The following TENM2 variants were observed in gnomAD, a reference collection of about 807,000 sequenced individuals.
The protein encoded by TENM2 is teneurin transmembrane protein 2.
A neutral mutation model predicts 245.2 loss-of-function variants in TENM2; 52 were observed. The ratio of observed to expected loss-of-function variants is 0.21; its 90% CI spans 0.17 to 0.27. The LOEUF (loss-of-function observed/expected upper bound fraction) is 0.27, where lower values mean the gene tolerates loss of function less well. Ranked by LOEUF, TENM2 falls within the 10% of genes least tolerant of loss-of-function variation. The pLI is 1.00. For synonymous variants in TENM2, 1,363 were observed against 1,438.9 expected, an observed-to-expected ratio of 0.95 and a Z score of 1.19; for missense variants, 3,046 against 3,666.8, an observed-to-expected ratio of 0.83 and a Z score of 4.37.
intron 2 of TENM2, among the ~76,000 whole-genome samples, chr5:167,409,357 A>G (rs190154782): frequency 2.0e-5 from 3 of 152,168 alleles, no homozygotes; most frequent in Admixed American, 2.0e-4. Context: ...AGCAGGATGG[A>G]TAAACTTTAA....
intron 2 of TENM2, among the ~76,000 whole-genome samples, chr5:167,595,032 C>T (rs1776109516): frequency 1.3e-5 from 2 of 152,190 alleles, no homozygotes; most frequent in Admixed American, 1.3e-4. Context: ...CAGGACTGAT[C>T]AGTGCAAAAT....
intron 1 of TENM2, among the ~76,000 whole-genome samples, chr5:167,349,062 A>G (rs1435274404): frequency 6.6e-6 from 1 of 152,212 alleles, no homozygotes; most frequent in Non-Finnish European, 1.5e-5. Context: ...CTTCAAGTGT[A>G]CAATTGAATT....
chr5:167,683,453 G>A (rs760240847), intron 2 of TENM2, among the ~76,000 whole-genome samples: 35 of 152,212 alleles, frequency 2.3e-4, no homozygotes, highest in Non-Finnish European at 4.3e-4. Flanking sequence ...TGTCCACTGC[G>A]CTTATCGTTA....
At chr5:167,385,500 TA>T (rs1300002788) in intron 2 of TENM2, among the ~76,000 whole-genome samples, 2 of 148,630 alleles carry the variant, frequency 1.3e-5, no homozygotes, top group Non-Finnish European at 3.0e-5. Flanking sequence ...TTTTTAGGTT[TA>T]ATTTTTTTTT....
intron 2 of TENM2, among the ~76,000 whole-genome samples, chr5:167,438,849 A>T (rs1357923048): frequency 6.6e-6 from 1 of 151,740 alleles, no homozygotes; most frequent in Non-Finnish European, 1.5e-5. Flanking sequence ...ACTGGAGTGC[A>T]ATGGCACGAT....
intron 23 of TENM2, among the ~76,000 whole-genome samples, chr5:168,223,233 A>G (rs1763824761): frequency 6.6e-6 from 1 of 152,162 alleles, no homozygotes. Context: ...TACTTCTCTC[A>G]TAAGGAAACT....
chr5:167,605,775 T>C (rs993736283), intron 2 of TENM2, among the ~76,000 whole-genome samples: 1 of 152,186 alleles, frequency 6.6e-6, no homozygotes, highest in African/African-American at 2.4e-5. Flanking sequence ...CTGTTTCTCA[T>C]AGATTATAGG....
chr5:167,889,369 A>G (rs962652753), intron 3 of TENM2, among the ~76,000 whole-genome samples: 1 of 152,184 alleles, frequency 6.6e-6, no homozygotes, highest in African/African-American at 2.4e-5. Flanking sequence ...GAATAATTCC[A>G]CGATGCAATT....
At chr5:167,159,104 G>A in the TENM2 span, among the ~76,000 whole-genome samples, 1 of 151,382 alleles carries the variant, frequency 6.6e-6, no homozygotes, top group African/African-American at 2.4e-5. Flanking sequence ...AGGCAAGCAT[G>A]GCTAATTTTT....
chr5:168,003,740 C>T lies in TENM2; in HGVS notation c.1186+10558C>T, dbSNP rs536132622. Among the ~76,000 whole-genome samples, 75 of 152,312 alleles carry T rather than the reference C, an allele frequency of 4.9e-4. 2 individuals are homozygous for T. The South Asian group carries it at 0.011, about 22-fold the overall frequency. On this transcript the variant is annotated intron_variant, in intron 5 of 28. Transcript: ENST00000518659. ...CCTCATGAACTACTTAGATAAACAACAGTGGGCAGCTCAACATTTATCCAA... is the reference window on the plus strand; with the variant it reads ...CCTCATGAACTACTTAGATAAACAATAGTGGGCAGCTCAACATTTATCCAA...
At chr5:168,212,321 C>T (rs539871326) in intron 20 of TENM2, among the ~76,000 whole-genome samples, 3 of 152,258 alleles carry the variant, frequency 2.0e-5, no homozygotes, top group South Asian at 4.1e-4. Context: ...TTGTCAAAAC[C>T]GCCTTGGTCA....
At chr5:168,233,631 AC>A (rs1216821313) in intron 25 of TENM2, among the ~76,000 whole-genome samples, 1 of 152,218 alleles carries the variant, frequency 6.6e-6, no homozygotes, top group African/African-American at 2.4e-5. Flanking sequence ...TAACAGGGCC[AC>A]CACAAGGGAG....
At chr5:167,921,232 A>T (rs1777346576) in intron 3 of TENM2, among the ~76,000 whole-genome samples, 1 of 152,370 alleles carries the variant, frequency 6.6e-6, no homozygotes, top group Non-Finnish European at 1.5e-5. Flanking sequence ...TGGAACAGAC[A>T]TTGAAAAATA....
chr5:168,021,210 C>T (rs978444367), intron 5 of TENM2, among the ~76,000 whole-genome samples: 4 of 152,172 alleles, frequency 2.6e-5, no homozygotes, highest in Non-Finnish European at 5.9e-5. Flanking sequence ...AAGGGCAAAC[C>T]CTCTTTAGAT....
At chr5:167,647,305 C>T (rs1780028186) in intron 2 of TENM2, among the ~76,000 whole-genome samples, 1 of 152,060 alleles carries the variant, frequency 6.6e-6, no homozygotes, top group Non-Finnish European at 1.5e-5. Flanking sequence ...AACGATGACT[C>T]CACTGACAAA....
intron 1 of TENM2, among the ~76,000 whole-genome samples, chr5:167,363,752 G>GAA (rs1759862263): frequency 1.1e-4 from 13 of 122,402 alleles, no homozygotes; most frequent in African/African-American, 3.5e-4. Flanking sequence ...AAAAAGAAAA[G>GAA]AAAAAGAAAA....
At chr5:167,724,813 G>T (rs1759876728) in intron 2 of TENM2, among the ~76,000 whole-genome samples, 1 of 152,116 alleles carries the variant, frequency 6.6e-6, no homozygotes, top group Non-Finnish European at 1.5e-5. Context: ...TGATGGTTTG[G>T]GGAACAGAAG....
intron 5 of TENM2, among the ~76,000 whole-genome samples, chr5:168,026,261 T>A (rs942833629): frequency 1.3e-5 from 2 of 152,090 alleles, no homozygotes; most frequent in Non-Finnish European, 2.9e-5. Flanking sequence ...GCAGAAGCAG[T>A]GTCCACCTAA....
chr5:167,487,375 G>A (rs572122762), intron 2 of TENM2, among the ~76,000 whole-genome samples: 177 of 152,172 alleles, frequency 1.2e-3, no homozygotes, highest in South Asian at 3.9e-3. Flanking sequence ...GTATGTGCCC[G>A]TATGTGTTTT....
Sources: allele counts gnomAD v4.1 joint callset (sites outside exome capture counted in the v4.1 genomes callset), GRCh38; gene constraint gnomAD v4.1.1; transcripts MANE v1.5; gene names NCBI Gene and HGNC (gene_info 2026-07-23, HGNC 2026-07-21).